The following VTCN1 variants were observed in gnomAD, a reference collection of about 807,000 sequenced individuals.
VTCN1 encodes V-set domain containing T cell activation inhibitor 1.
VTCN1 carries 26 observed loss-of-function variants against 26.5 expected under a neutral mutation model. That is an observed-to-expected ratio of 0.98 (90% confidence interval 0.72 to 1.36). The LOEUF (loss-of-function observed/expected upper bound fraction) is 1.36. Among genes scored for constraint, VTCN1 ranks in the 40% most tolerant of loss-of-function variants. The pLI, the probability that VTCN1 is intolerant of heterozygous loss-of-function variation, is 0.00. For synonymous variants in VTCN1, 116 were observed against 130.7 expected (o/e 0.89, Z 0.77); for missense variants, 298 against 337.7 (o/e 0.88, Z 0.92).
intron 4 of VTCN1, among the ~76,000 whole-genome samples, chr1:117,150,744 C>G (rs1360155954): frequency 6.6e-6 from 1 of 152,164 alleles, no homozygotes; most frequent in Non-Finnish European, 1.5e-5. Flanking sequence ...AAATCTGAAA[C>G]TCTATACTCA....
intron 1 of VTCN1, 43 bp from the exon 2 acceptor site, chr1:117,170,214 C>T (rs746775182): frequency 6.3e-7 from 1 of 1,576,990 alleles, no homozygotes; most frequent in East Asian, 2.2e-5. Flanking sequence ...TTCTCCATTC[C>T]TCTTGATGTG....
At chr1:117,168,097 C>G (rs1006694418) in intron 2 of VTCN1, among the ~76,000 whole-genome samples, 1 of 151,900 alleles carries the variant, frequency 6.6e-6, no homozygotes, top group African/African-American at 2.4e-5. Context: ...AGAAACAGAT[C>G]AGAAACAGAA....
intron 1 of VTCN1, among the ~76,000 whole-genome samples, chr1:117,180,319 C>T (rs1358271605): frequency 6.6e-6 from 1 of 152,158 alleles, no homozygotes; most frequent in Non-Finnish European, 1.5e-5. Flanking sequence ...CATGTATTAG[C>T]ATTTCTTCAT....
intron 1 of VTCN1, among the ~76,000 whole-genome samples, chr1:117,209,167 C>T (rs1051563191): frequency 1.3e-5 from 2 of 152,160 alleles, no homozygotes; most frequent in African/African-American, 2.4e-5. Context: ...CAGGAGCCAA[C>T]AAGAGGAGTC....
At chr1:117,198,892 A>G (rs188601409) in intron 1 of VTCN1, among the ~76,000 whole-genome samples, 187 of 152,342 alleles carry the variant, frequency 1.2e-3, no homozygotes, top group African/African-American at 4.3e-3. Context: ...AGGTTAGTCA[A>G]GAAAGCACTG....
chr1:117,199,867 C>T (rs1648708588), intron 1 of VTCN1, among the ~76,000 whole-genome samples: 2 of 152,130 alleles, frequency 1.3e-5, no homozygotes, highest in Non-Finnish European at 2.9e-5. Context: ...ATCTCTTGAC[C>T]TTGTGATCCG....
At chr1:117,203,191 C>T (rs565216731) in intron 1 of VTCN1, among the ~76,000 whole-genome samples, 1 of 152,000 alleles carries the variant, frequency 6.6e-6, no homozygotes, top group South Asian at 2.1e-4. Flanking sequence ...TACCTGTCTG[C>T]TGGTTTCTCT....
At chr1:117,181,371 A>T (rs1647663089) in intron 1 of VTCN1, among the ~76,000 whole-genome samples, 1 of 152,262 alleles carries the variant, frequency 6.6e-6, no homozygotes, top group Non-Finnish European at 1.5e-5. Flanking sequence ...GAAAAGAAAA[A>T]GGAAAGTTGA....
Position 117,195,452 on chromosome 1 carries a change from T to C in VTCN1, c.32+15372A>G, listed in dbSNP as rs180880416. ...GTATATGTACATCAAATCATCACAT[T>C]GTATGCCTTAAATATATAGAATTTT... On this transcript the variant is annotated intron_variant, in intron 1 of 5. Transcript: ENST00000369458. 1.6e-4 allele frequency among the ~76,000 whole-genome samples: 24 copies of C among 152,160 alleles called. No homozygotes were observed. The East Asian group carries it at 1.9e-3, about 12-fold the overall frequency.
intron 2 of VTCN1, among the ~76,000 whole-genome samples, chr1:117,168,527 A>G (rs1652729383): frequency 6.6e-6 from 1 of 152,224 alleles, no homozygotes; most frequent in Non-Finnish European, 1.5e-5. Context: ...CAGGTTACAA[A>G]AAGCTCCAAG....
chr1:117,166,903 C>T (rs1286167097), intron 2 of VTCN1, among the ~76,000 whole-genome samples: 1 of 150,014 alleles, frequency 6.7e-6, no homozygotes, highest in Non-Finnish European at 1.5e-5. Flanking sequence ...ACCAGTCTGG[C>T]TAACAGGGCA....
chr1:117,209,625 C>A (rs1420854516), intron 1 of VTCN1, among the ~76,000 whole-genome samples: 3 of 152,178 alleles, frequency 2.0e-5, no homozygotes, highest in Admixed American at 2.0e-4. Flanking sequence ...TTAGGGACAT[C>A]CTCTCAGGGC....
intron 1 of VTCN1, among the ~76,000 whole-genome samples, chr1:117,182,347 C>G (rs1485446600): frequency 6.6e-6 from 1 of 152,188 alleles, no homozygotes; most frequent in Non-Finnish European, 1.5e-5. Flanking sequence ...CAATGCAAAT[C>G]CTCGCCTGCT....
intron 1 of VTCN1, among the ~76,000 whole-genome samples, chr1:117,176,673 A>T (rs528783912): frequency 3.3e-4 from 51 of 152,348 alleles, no homozygotes; most frequent in African/African-American, 1.2e-3. Context: ...TGTGTGATTT[A>T]TTTGAATATA....
rs866097888 is a variant in VTCN1 at position 117,175,771 on chromosome 1, C to T, written c.33-5600G>A. ...GAGATACCTATCTCTCTCTCTCTCT[C>T]TCTTTTTTTTTTTTTTTGAGATGGA... On this transcript the variant is annotated intron_variant, in intron 1 of 5. Transcript: ENST00000369458. The surrounding 1 kb of genome is among the most constrained non-coding windows in gnomAD (Gnocchi z 4.2). Among the ~76,000 whole-genome samples the T allele has an allele frequency of 0.044, 3,861 of 87,156 alleles. 216 individuals are homozygous for T. Among genetic ancestry groups the T allele is most frequent in the African/African-American group, 0.13 (3,609 of 27,528 alleles). 57.2% of individuals were successfully genotyped at this position (87,156 alleles called of 152,430 possible).
At chr1:117,210,703 G>C in intron 1 of VTCN1, 121 bp downstream of exon 1, 6 of 1,093,054 alleles carry the variant, frequency 5.5e-6, no homozygotes, top group Non-Finnish European at 6.9e-6. Flanking sequence ...CTGGCCCAAT[G>C]CTGGATCAGA....
At chr1:117,171,746 G>A (rs1381140654) in intron 1 of VTCN1, among the ~76,000 whole-genome samples, 1 of 152,098 alleles carries the variant, frequency 6.6e-6, no homozygotes, top group Admixed American at 6.6e-5. Flanking sequence ...AAATTTTATT[G>A]TCTCCATTTT....
At chr1:117,193,196 G>C (rs1648334440) in intron 1 of VTCN1, among the ~76,000 whole-genome samples, 1 of 152,014 alleles carries the variant, frequency 6.6e-6, no homozygotes, top group African/African-American at 2.4e-5. Flanking sequence ...ATTTTGGGGT[G>C]GGGGAGTGGT....
chr1:117,148,562 T>C (rs887608805), intron 4 of VTCN1, among the ~76,000 whole-genome samples: 2 of 152,210 alleles, frequency 1.3e-5, no homozygotes, highest in African/African-American at 4.8e-5. Context: ...TCTACCTCCT[T>C]AGTTTGAACT....
Sources: allele counts gnomAD v4.1 joint callset (sites outside exome capture counted in the v4.1 genomes callset), GRCh38; gene constraint gnomAD v4.1.1; non-coding constraint Gnocchi (gnomAD v3.1); transcripts MANE v1.5; gene names NCBI Gene and HGNC (gene_info 2026-07-23, HGNC 2026-07-21).